The following DOCK2 variants were observed in gnomAD, a reference collection of about 807,000 sequenced individuals.
The protein encoded by DOCK2 is dedicator of cytokinesis protein 2.
In DOCK2, 87 loss-of-function variants were observed where a neutral mutation model predicts 248.9. That is an observed-to-expected ratio of 0.35 (90% confidence interval 0.29 to 0.42). The LOEUF is 0.42. DOCK2 is among the 10% of genes least tolerant of loss of function. The pLI is 1.00. For synonymous variants in DOCK2, 805 were observed against 821.6 expected, an observed-to-expected ratio of 0.98 and a Z score of 0.35; for missense variants, 1,747 against 2,300.2, an observed-to-expected ratio of 0.76 and a Z score of 4.92.
intron 5 of DOCK2, among the ~76,000 whole-genome samples, chr5:169,671,424 C>G (rs538265417): frequency 6.6e-6 from 1 of 152,300 alleles, no homozygotes; most frequent in African/African-American, 2.4e-5. Context: ...CAGAAGTTGT[C>G]AAACTTGAGC....
In DOCK2 at chr5:169,668,038, G is replaced by A. The variant is rs542070234; in HGVS notation, c.128-1250G>A. On this transcript the variant is annotated intron_variant, in intron 2 of 51. Coordinates refer to ENST00000520908, the MANE Select transcript of DOCK2 (RefSeq NM_004946.3). ...ATTCCCTCATAATATAGGAAGCATA[G>A]GTGATAGTTGCTTATGTTGAAAACC... Among the ~76,000 whole-genome samples, 33 of 152,224 alleles carry A rather than the reference G, an allele frequency of 2.2e-4. 2 individuals are homozygous for A. In the South Asian group the frequency reaches 6.7e-3, roughly 31 times the overall value.
At chr5:169,865,830 C>G (rs966391457) in intron 27 of DOCK2, among the ~76,000 whole-genome samples, 1 of 152,230 alleles carries the variant, frequency 6.6e-6, no homozygotes, top group African/African-American at 2.4e-5. Flanking sequence ...GCCTTTATAC[C>G]CAGCAAGGGC....
chr5:170,077,621 C>T, intron 47 of DOCK2, 89 bp from the exon 48 acceptor site: 1 of 1,568,456 alleles, frequency 6.4e-7, no homozygotes, highest in Non-Finnish European at 8.7e-7. Flanking sequence ...ACAACTCTGC[C>T]CTGCCTAGGT....
chr5:169,911,527 G>A (rs950395230), intron 27 of DOCK2, among the ~76,000 whole-genome samples: 1 of 152,178 alleles, frequency 6.6e-6, no homozygotes, highest in Admixed American at 6.5e-5. Flanking sequence ...GCTGGTGAGA[G>A]TTCCTGAGAC....
intron 25 of DOCK2, among the ~76,000 whole-genome samples, chr5:169,775,348 G>A (rs1300539689): frequency 6.6e-6 from 1 of 152,210 alleles, no homozygotes; most frequent in Non-Finnish European, 1.5e-5. Flanking sequence ...GGCAGAGTCT[G>A]TGCCATGGGT....
chr5:170,080,424 C>T lies in DOCK2; in HGVS notation c.5287+141C>T, dbSNP rs578241497. 93 of 1,306,824 alleles carry T rather than the reference C, an allele frequency of 7.1e-5. No individual in the cohort carries two copies. The African/African-American group carries it at 1.3e-3, about 18-fold the overall frequency. 81.0% of individuals were successfully genotyped at this position (1,306,824 alleles called of 1,614,324 possible). On this transcript the variant is annotated intron_variant, in intron 50 of 51. Coordinates refer to ENST00000520908, the MANE Select transcript of DOCK2 (RefSeq NM_004946.3). ...GAGTGAGAGGCTCTGCTCATAGCCACCCACCCTCTAATCTCTCCCCACACC... is the reference window on the plus strand; with the variant it reads ...GAGTGAGAGGCTCTGCTCATAGCCATCCACCCTCTAATCTCTCCCCACACC...
chr5:169,812,649 A>G (rs1162779517), intron 26 of DOCK2, among the ~76,000 whole-genome samples: 1 of 152,192 alleles, frequency 6.6e-6, no homozygotes, highest in Non-Finnish European at 1.5e-5. Flanking sequence ...AGTAAACAAG[A>G]ACACCTGTGA....
chr5:169,812,286 G>A (rs1244658546), intron 26 of DOCK2, among the ~76,000 whole-genome samples: 1 of 152,188 alleles, frequency 6.6e-6, no homozygotes. Context: ...GAGGAGTCTA[G>A]GGTGCATGCT....
chr5:170,052,356 T>A (rs6860533), intron 41 of DOCK2, among the ~76,000 whole-genome samples: 4 of 152,046 alleles, frequency 2.6e-5, no homozygotes, highest in African/African-American at 9.7e-5. Context: ...TCTAAGTGGA[T>A]CTCCTGGGAT....
At chr5:169,703,076 C>T (rs901974578) in intron 14 of DOCK2, among the ~76,000 whole-genome samples, 2 of 152,174 alleles carry the variant, frequency 1.3e-5, no homozygotes, top group Non-Finnish European at 2.9e-5. Context: ...GTTGTCAGTG[C>T]TGTGTCCAGT....
At chr5:170,079,853 G>A (rs1025431662) in intron 49 of DOCK2, 6 of 235,912 alleles carry the variant, frequency 2.5e-5, no homozygotes, top group East Asian at 9.0e-5. Context: ...AGTGGGCCTC[G>A]CAGGCTACTC....
At chr5:169,956,081 G>A (rs944844151) in intron 27 of DOCK2, among the ~76,000 whole-genome samples, 10 of 151,914 alleles carry the variant, frequency 6.6e-5, no homozygotes, top group African/African-American at 2.4e-4. Flanking sequence ...CTGGAGTCTG[G>A]GTTATCTTCC....
intron 22 of DOCK2, among the ~76,000 whole-genome samples, chr5:169,733,275 T>C (rs1762874607): frequency 6.6e-6 from 1 of 152,096 alleles, no homozygotes; most frequent in African/African-American, 2.4e-5. Context: ...ATATTTAACT[T>C]AGTAAAGTCT....
chr5:170,012,378 A>G (rs1358004004), intron 32 of DOCK2, among the ~76,000 whole-genome samples: 1 of 152,240 alleles, frequency 6.6e-6, no homozygotes, highest in African/African-American at 2.4e-5. Context: ...GTAAATCATA[A>G]TGCATGTTAG....
At chr5:169,826,513 C>G (rs561160576) in intron 26 of DOCK2, among the ~76,000 whole-genome samples, 1 of 151,962 alleles carries the variant, frequency 6.6e-6, no homozygotes, top group Admixed American at 6.6e-5. Context: ...GAAGAAGATG[C>G]CTGTAGTCCA....
chr5:169,666,138 C>A (rs1425805976), intron 2 of DOCK2, among the ~76,000 whole-genome samples: 3 of 152,048 alleles, frequency 2.0e-5, no homozygotes, highest in Non-Finnish European at 4.4e-5. Context: ...CTGGTGGGGG[C>A]CGCTTCTTGG....
At chr5:170,076,303 G>A (rs1168846294) in intron 47 of DOCK2, among the ~76,000 whole-genome samples, 2 of 152,210 alleles carry the variant, frequency 1.3e-5, no homozygotes, top group Non-Finnish European at 2.9e-5. Context: ...ACTGGATTGT[G>A]CAGATACCAA....
chr5:169,880,924 A>G (rs1270572311), intron 27 of DOCK2, among the ~76,000 whole-genome samples: 1 of 152,236 alleles, frequency 6.6e-6, no homozygotes, highest in Non-Finnish European at 1.5e-5. Flanking sequence ...TGTGCCAAGT[A>G]AGGGCTTGGC....
chr5:169,685,016 A>G (rs13178513), intron 8 of DOCK2, among the ~76,000 whole-genome samples: 36,997 of 152,120 alleles, frequency 0.24, 4,797 homozygotes, highest in Middle Eastern at 0.34. Flanking sequence ...CAATAGGCTA[A>G]GGGTATAGGC....
Sources: gnomAD v4.1 joint callset for allele counts (sites outside exome capture counted in the v4.1 genomes callset) on GRCh38, gnomAD v4.1.1 for gene constraint, MANE v1.5 for transcripts, NCBI Gene and HGNC (gene_info 2026-07-23, HGNC 2026-07-21) for gene names.